Variants in TMEM117 observed in about 807,000 individuals in gnomAD.
The protein encoded by TMEM117 is transmembrane protein 117.
TMEM117 carries 27 observed loss-of-function variants against 52.4 expected under a neutral mutation model. That is an observed-to-expected ratio of 0.51 (90% CI 0.38 to 0.71). The LOEUF (loss-of-function observed/expected upper bound fraction) is 0.71, where lower values mean the gene tolerates loss of function less well. Ranked by LOEUF, TMEM117 falls within the 30% of genes least tolerant of loss-of-function variation. The pLI is 0.00. For synonymous variants in TMEM117, 215 were observed against 206.3 expected, an observed-to-expected ratio of 1.04 and a Z score of -0.36; for missense variants, 556 against 630.5, an observed-to-expected ratio of 0.88 and a Z score of 1.26.
At chr12:44,225,363 A>G (rs116331704) in intron 5 of TMEM117, among the ~76,000 whole-genome samples, 1,748 of 152,286 alleles carry the variant, frequency 0.011, 22 homozygotes, top group South Asian at 0.052. Context: ...CTTGGCATAC[A>G]TCTGAATTAC....
chr12:44,176,596 G>T lies in TMEM117; in HGVS notation c.510+32972G>T, dbSNP rs116528205. Among the ~76,000 whole-genome samples the T allele has an allele frequency of 7.0e-3, 1,070 of 152,186 alleles. 15 individuals carry two copies. Among genetic ancestry groups the T allele is most frequent in the African/African-American group, 0.024 (983 of 41,534 alleles). On this transcript the variant is annotated intron_variant, in intron 4 of 7. Coordinates refer to ENST00000266534, the MANE Select transcript of TMEM117 (RefSeq NM_032256.3). Reference sequence around the variant, plus strand: ...TTTTTTGCCTTACATATGGAGAGAAGGATGAGATTTCAAATAACTTAACCT... The same window carrying T: ...TTTTTTGCCTTACATATGGAGAGAATGATGAGATTTCAAATAACTTAACCT...
At chr12:44,125,489 TTA>T (rs551189114) in intron 3 of TMEM117, among the ~76,000 whole-genome samples, 64 of 152,266 alleles carry the variant, frequency 4.2e-4, no homozygotes, top group Non-Finnish European at 7.6e-4. Context: ...ATTTTCTAGT[TTA>T]TGTGTTAGAA....
chr12:44,330,090 G>A (rs536712778), intron 6 of TMEM117, among the ~76,000 whole-genome samples: 29 of 151,826 alleles, frequency 1.9e-4, no homozygotes, highest in African/African-American at 3.6e-4. Context: ...AGGAAGTGCC[G>A]TACCGTTTAC....
chr12:43,918,174 T>C (rs1464059948), intron 2 of TMEM117, among the ~76,000 whole-genome samples: 1 of 152,174 alleles, frequency 6.6e-6, no homozygotes, highest in African/African-American at 2.4e-5. Flanking sequence ...ATTATAACTG[T>C]TACAAGGGGG....
chr12:44,274,885 T>C (rs1950493782), intron 5 of TMEM117, among the ~76,000 whole-genome samples: 1 of 151,988 alleles, frequency 6.6e-6, no homozygotes, highest in Non-Finnish European at 1.5e-5. Context: ...TCCAGAACAT[T>C]GGTCTGGGAA....
chr12:44,233,114 C>G (rs1281997303), intron 5 of TMEM117, among the ~76,000 whole-genome samples: 4 of 151,166 alleles, frequency 2.6e-5, no homozygotes, highest in African/African-American at 7.3e-5. Context: ...TCTTTTCTCT[C>G]TCTGTCTTGC....
At chr12:44,218,415 G>T (rs988438049) in intron 5 of TMEM117, among the ~76,000 whole-genome samples, 5 of 152,056 alleles carry the variant, frequency 3.3e-5, no homozygotes, top group African/African-American at 9.7e-5. Context: ...TACAGAAAAA[G>T]CATTTGACAA....
At chr12:44,059,695 T>C (rs564618813) in intron 3 of TMEM117, among the ~76,000 whole-genome samples, 4 of 152,342 alleles carry the variant, frequency 2.6e-5, no homozygotes, top group African/African-American at 9.6e-5. Context: ...CTCTAATGGA[T>C]TGCAGGTCCC....
chr12:44,210,603 G>A (rs1436252421), intron 4 of TMEM117, among the ~76,000 whole-genome samples: 1 of 152,128 alleles, frequency 6.6e-6, no homozygotes, highest in Non-Finnish European at 1.5e-5. Context: ...ATATAAGTAA[G>A]TAAAAGAGAA....
chr12:44,154,126 G>A (rs1424253525), intron 4 of TMEM117, among the ~76,000 whole-genome samples: 5 of 152,160 alleles, frequency 3.3e-5, no homozygotes, highest in Admixed American at 3.3e-4. Flanking sequence ...AAATTGCTCA[G>A]TGAAACATCT....
intron 3 of TMEM117, among the ~76,000 whole-genome samples, chr12:44,053,118 A>G (rs1052877274): frequency 6.6e-6 from 1 of 152,110 alleles, no homozygotes; most frequent in African/African-American, 2.4e-5. Flanking sequence ...TTGTGCAGAC[A>G]CCACAGGTTA....
At chr12:43,980,893 G>A (rs1037466531) in intron 3 of TMEM117, among the ~76,000 whole-genome samples, 1 of 152,150 alleles carries the variant, frequency 6.6e-6, no homozygotes, top group Non-Finnish European at 1.5e-5. Context: ...CACAATTTGT[G>A]GGTAACAAAC....
chr12:44,089,249 C>T lies in TMEM117; in HGVS notation c.411-54276C>T, dbSNP rs562906636. 2.6e-5 allele frequency among the ~76,000 whole-genome samples: 4 copies of T among 152,164 alleles called. No individual in the cohort carries two copies. In the South Asian group the frequency reaches 6.2e-4, roughly 24 times the overall value. On this transcript the variant is annotated intron_variant, in intron 3 of 7. Transcript: ENST00000266534. ...AACTCCTTGACAATCTTTGCTCTGC[C>T]GCAAACTGAACTAGTTAGAAGAAAT... is the stretch of plus-strand genomic sequence containing the variant.
intron 2 of TMEM117, among the ~76,000 whole-genome samples, chr12:43,868,308 A>C (rs1424206623): frequency 6.6e-6 from 1 of 151,992 alleles, no homozygotes; most frequent in Non-Finnish European, 1.5e-5. Flanking sequence ...TGGGAGGCCA[A>C]GGCGGTTGGA....
chr12:44,389,069 A>ACCAC lies in TMEM117; in HGVS notation c.*398_*399insCACC. On this transcript the variant is annotated 3_prime_UTR_variant, in exon 8 of 8. Coordinates refer to ENST00000266534, the MANE Select transcript of TMEM117 (RefSeq NM_032256.3). ...ATTTCACATGGGCGTTTTGTATACA[A>ACCAC]CTATTTTGATCTACACTTGATGTCT... The ACCAC allele has an allele frequency of 1.2e-5, 2 of 172,748 alleles. No homozygotes were observed. Among genetic ancestry groups the ACCAC allele is most frequent in the Admixed American group, 5.5e-5 (1 of 18,160 alleles). 10.7% of individuals were successfully genotyped at this position (172,748 alleles called of 1,614,324 possible). A position where few individuals can be genotyped will look rare whatever the true frequency, so the allele number is the denominator to read the frequency against.
intron 3 of TMEM117, among the ~76,000 whole-genome samples, chr12:44,101,876 G>A (rs1440290900): frequency 2.0e-5 from 3 of 151,926 alleles, no homozygotes; most frequent in African/African-American, 7.3e-5. Context: ...ATACAGCAAG[G>A]GTAACTGTAA....
chr12:44,253,934 G>A (rs1461665458), intron 5 of TMEM117, among the ~76,000 whole-genome samples: 2 of 146,556 alleles, frequency 1.4e-5, no homozygotes, highest in African/African-American at 2.5e-5. Flanking sequence ...ATCCTCAGTA[G>A]AGAAACTTGG....
At chr12:43,799,250 A>G in the TMEM117 span, 5 of 452,448 alleles carry the variant, frequency 1.1e-5, no homozygotes, top group African/African-American at 1.0e-4. Context: ...AAAGGCATTA[A>G]GCACATAGCC....
chr12:43,830,246 C>T, the TMEM117 span, among the ~76,000 whole-genome samples: 43 of 152,196 alleles, frequency 2.8e-4, no homozygotes, highest in African/African-American at 7.9e-4. Flanking sequence ...CACCCCACCA[C>T]GCAAGTAACA....
Sources: gnomAD v4.1 joint callset for allele counts (sites outside exome capture counted in the v4.1 genomes callset) on GRCh38, gnomAD v4.1.1 for gene constraint, MANE v1.5 for transcripts, NCBI Gene and HGNC (gene_info 2026-07-23, HGNC 2026-07-21) for gene names.